LDHB: variants seen among roughly 807,000 people sequenced by gnomAD.
LDHB encodes L-lactate dehydrogenase B chain.
Under a neutral mutation model 33.4 loss-of-function variants are expected in LDHB, and 18 were observed. That is an observed-to-expected ratio of 0.54 (90% confidence interval 0.37 to 0.80). The LOEUF (loss-of-function observed/expected upper bound fraction) is 0.80, where lower values mean the gene tolerates loss of function less well. LDHB is among the 30% of genes least tolerant of loss of function. The pLI, the probability that LDHB is intolerant of heterozygous loss-of-function variation, is 0.00. For synonymous variants in LDHB, 121 were observed against 140.6 expected (o/e 0.86, Z 0.98); for missense variants, 345 against 407.9 (o/e 0.85, Z 1.33).
rs113680235 is a variant in LDHB at position 21,650,343 on chromosome 12, C to T, written c.130-3327G>A. On this transcript the variant is annotated intron_variant, in intron 2 of 7. Coordinates refer to ENST00000350669, the MANE Select transcript of LDHB (RefSeq NM_002300.8). ...TTTCTGGCTGAAATACCAAAGGTGG[C>T]TTGTACAAATACCAAATTTTCATTA... 7.8e-3 allele frequency among the ~76,000 whole-genome samples: 1,193 copies of T among 152,248 alleles called. 12 individuals are homozygous for T. Among genetic ancestry groups the T allele is most frequent in the African/African-American group, 0.027 (1,133 of 41,540 alleles).
At chr12:21,651,960 A>G (rs962291014) in intron 2 of LDHB, among the ~76,000 whole-genome samples, 51 of 152,380 alleles carry the variant, frequency 3.3e-4, no homozygotes, top group African/African-American at 1.2e-3. Flanking sequence ...ATTGAAAAAC[A>G]GAAATCATAG....
chr12:21,643,078 C>G (rs1242291263), intron 4 of LDHB, among the ~76,000 whole-genome samples: 2 of 152,182 alleles, frequency 1.3e-5, no homozygotes, highest in Non-Finnish European at 2.9e-5. Flanking sequence ...AAGACTGAAC[C>G]ATTTAATAAA....
intron 1 of LDHB, chr12:21,656,969 C>T (rs1037972854): frequency 6.6e-6 from 1 of 151,812 alleles, no homozygotes; most frequent in African/African-American, 2.4e-5. Flanking sequence ...TCCCCTCCCC[C>T]CATTCCCCAG....
chr12:21,637,618 T>C (rs900278066), intron 6 of LDHB, among the ~76,000 whole-genome samples: 2 of 152,090 alleles, frequency 1.3e-5, no homozygotes, highest in African/African-American at 4.8e-5. Context: ...ATAAAAGGGA[T>C]AAGAGTATCT....
intron 6 of LDHB, 118 bp downstream of exon 6, chr12:21,638,235 C>G: frequency 1.4e-6 from 1 of 705,168 alleles, no homozygotes; most frequent in South Asian, 1.6e-5. Flanking sequence ...CAAAAGATAA[C>G]AGCTGCATAA....
At chr12:21,640,435 G>T (rs1341375849) in intron 5 of LDHB, among the ~76,000 whole-genome samples, 1 of 151,596 alleles carries the variant, frequency 6.6e-6, no homozygotes, top group Non-Finnish European at 1.5e-5. Flanking sequence ...AGTTCCTAAA[G>T]AAACTATTTA....
chr12:21,637,089 G>A lies in LDHB; in HGVS notation c.819C>T (p.Pro273=), dbSNP rs748636200. The A allele has an allele frequency of 2.2e-5, 36 of 1,605,506 alleles. No individual in the cohort carries two copies. The highest frequency in any genetic ancestry group is 2.3e-5 in the Non-Finnish European group (27 of 1,173,672). ...SMLKNLSRIH[P]VSTMVKGMYG... is the part of the protein sequence containing the mutation. ...GTCTTACCTTTACCATTGTTGACAC[G>A]GGATGAATCCTGGATAGATTTTTCA... The change falls in exon 7 of 8, where the codon CCC becomes CCT. Residue 273 remains proline (P), a synonymous_variant. Coordinates refer to ENST00000350669, the MANE Select transcript of LDHB (RefSeq NM_002300.8).
intron 2 of LDHB, among the ~76,000 whole-genome samples, chr12:21,653,725 T>C (rs1938757363): frequency 1.3e-5 from 2 of 152,138 alleles, no homozygotes; most frequent in East Asian, 3.9e-4. Flanking sequence ...TAAATGTAGG[T>C]GAATTATTTA....
chr12:21,655,002 T>A (rs1250182356), intron 1 of LDHB, among the ~76,000 whole-genome samples: 1 of 152,050 alleles, frequency 6.6e-6, no homozygotes, highest in Non-Finnish European at 1.5e-5. Flanking sequence ...AAGCCTGTAG[T>A]CCTAACTACT....
rs781302245 is a variant in LDHB at position 21,647,017 on chromosome 12, C to T, written c.130-1G>A. On this transcript the variant is annotated splice_acceptor_variant, in intron 2 of 7. Transcript: ENST00000350669. LOFTEE classifies it high-confidence loss of function. Reference sequence around the variant, plus strand: ...CAAGAGCAAGTTCATCAGCCAGAGACTGTAAACGCAAAAACAGGCATTAGA... The same window carrying T: ...CAAGAGCAAGTTCATCAGCCAGAGATTGTAAACGCAAAAACAGGCATTAGA... 6.2e-7 allele frequency: 1 copy of T among 1,603,648 alleles called. No individual in the cohort carries two copies. Among genetic ancestry groups the T allele is most frequent in the African/African-American group, 1.3e-5 (1 of 74,836 alleles).
At position 21,637,105 on chromosome 12, in the gene LDHB, A is replaced by G; in HGVS notation, c.803T>C (p.Leu268Pro). The G allele has an allele frequency of 6.2e-7, 1 of 1,607,236 alleles. No individual in the cohort carries two copies. Among genetic ancestry groups the G allele is most frequent in the Non-Finnish European group, 8.5e-7 (1 of 1,174,576 alleles). ...TGTTGACACGGGATGAATCCTGGAT[A>G]GATTTTTCAACATGGATTCAATAAG... ...ADLIESMLKN[L>P]SRIHPVSTMV... Residue 268 changes from leucine (L) to proline (P), a missense_variant, in exon 7 of 8, where the codon CTA becomes CCA. Coordinates refer to ENST00000350669, the MANE Select transcript of LDHB (RefSeq NM_002300.8).
intron 2 of LDHB, among the ~76,000 whole-genome samples, chr12:21,650,103 A>AAAT (rs5796919): frequency 5.8e-5 from 8 of 137,088 alleles, no homozygotes; most frequent in Non-Finnish European, 1.1e-4. Context: ...AGAGAAAAAA[A>AAAT]ATACACACAC....
chr12:21,644,728 T>C (rs921580199), intron 3 of LDHB, among the ~76,000 whole-genome samples: 1 of 152,160 alleles, frequency 6.6e-6, no homozygotes, highest in South Asian at 2.1e-4. Flanking sequence ...TAAACTGGGT[T>C]ACAGTGCGGC....
intron 4 of LDHB, 22 bp from the exon 5 acceptor site, chr12:21,642,147 T>C (rs1271526612): frequency 9.4e-6 from 15 of 1,597,436 alleles, no homozygotes; most frequent in Admixed American, 1.7e-5. Flanking sequence ...GGAAATAATA[T>C]ATGTAAGTAA....
In LDHB at chr12:21,638,207, TAA is replaced by T. The variant is rs1442809989; in HGVS notation, c.713+144_713+145del. The stretch of plus-strand genomic sequence containing the variant: ...ACTGGCATAGCAAGTTTGACCAGTG[TAA>T]AAGTCTTATCAGTTTCAAAAGATAA... On this transcript the variant is annotated intron_variant, in intron 6 of 7. Transcript: ENST00000350669. 5 of 634,768 alleles carry T rather than the reference TAA, an allele frequency of 7.9e-6. No homozygotes were observed. The Admixed American group carries it at 1.0e-4, about 13-fold the overall frequency. The allele number at this position is 634,768 out of a possible 1,614,324, so 39.3% of individuals were successfully genotyped here.
At chr12:21,643,332 C>A (rs182617577) in intron 4 of LDHB, among the ~76,000 whole-genome samples, 2 of 152,320 alleles carry the variant, frequency 1.3e-5, no homozygotes, top group Non-Finnish European at 2.9e-5. Context: ...TCAAATAGAG[C>A]ATATTTTAGC....
intron 6 of LDHB, 62 bp downstream of exon 6, chr12:21,638,291 T>TTA: frequency 1.1e-6 from 1 of 908,718 alleles, no homozygotes. Flanking sequence ...TGGAAAATGT[T>TTA]TATAATTTTA....
rs913652863 is a variant in LDHB at position 21,644,203 on chromosome 12, G to A, written c.248-95C>T. The stretch of plus-strand genomic sequence containing the variant: ...GCTCTAAAAGCCTAACCATACATAA[G>A]CTTCTAGAACATATATGTGAATTAA... On this transcript the variant is annotated intron_variant, in intron 3 of 7. Transcript: ENST00000350669. 4 of 907,288 alleles carry A rather than the reference G, an allele frequency of 4.4e-6. No individual in the cohort carries two copies. The African/African-American group carries it at 6.7e-5, about 15-fold the overall frequency. The allele number at this position is 907,288 out of a possible 1,614,324, so 56.2% of individuals were successfully genotyped here. A position where few individuals can be genotyped will look rare whatever the true frequency, so the allele number is the denominator to read the frequency against.
chr12:21,654,416 T>C (rs920665460), intron 2 of LDHB, 127 bp downstream of exon 2: 22 of 844,128 alleles, frequency 2.6e-5, no homozygotes, highest in Admixed American at 3.9e-5. Context: ...TGGGATTACA[T>C]CTACAACTTC....
Sources: allele counts gnomAD v4.1 joint callset (sites outside exome capture counted in the v4.1 genomes callset), GRCh38; gene constraint gnomAD v4.1.1; transcripts MANE v1.5; gene names NCBI Gene and HGNC (gene_info 2026-07-23, HGNC 2026-07-21).